The following DISC1 variants were observed in gnomAD, a reference collection of about 807,000 sequenced individuals.
The protein encoded by DISC1 is DISC1 scaffold protein.
In DISC1, 57 loss-of-function variants were observed where a neutral mutation model predicts 84.5. That is an observed-to-expected ratio of 0.67 (90% CI 0.55 to 0.84). The LOEUF (loss-of-function observed/expected upper bound fraction) is 0.84. Among genes scored for constraint, DISC1 ranks in the 40% least tolerant of loss-of-function variants. DISC1 has a pLI of 0.00. For synonymous variants in DISC1, 411 were observed against 415.2 expected (o/e 0.99, Z 0.12); for missense variants, 1,000 against 1,057.8 (o/e 0.95, Z 0.76).
At chr1:231,821,312 A>C (rs2081477213) in intron 9 of DISC1, among the ~76,000 whole-genome samples, 1 of 152,142 alleles carries the variant, frequency 6.6e-6, no homozygotes, top group South Asian at 2.1e-4. Context: ...AAGGTGCTTG[A>C]GTTGTCTGAG....
In DISC1 at chr1:231,783,545, G is replaced by T. The variant is rs74144133; in HGVS notation, c.1635-11697G>T. Reference sequence around the variant, plus strand: ...TAAGATTGTTTGAGGCAATGAGAAAGATCTGGTTGAATTAATACTTGGAGT... The same window carrying T: ...TAAGATTGTTTGAGGCAATGAGAAATATCTGGTTGAATTAATACTTGGAGT... On this transcript the variant is annotated intron_variant, in intron 6 of 12. Coordinates refer to ENST00000439617, the MANE Select transcript of DISC1 (RefSeq NM_018662.3). 6.6e-3 allele frequency among the ~76,000 whole-genome samples: 1,000 copies of T among 152,312 alleles called. 7 individuals are homozygous for T. Among genetic ancestry groups the T allele is most frequent in the African/African-American group, 0.023 (949 of 41,568 alleles).
chr1:231,969,199 T>TG lies in DISC1; in HGVS notation c.2042+10311_2042+10312insG, dbSNP rs1421351764. Among the ~76,000 whole-genome samples the TG allele has an allele frequency of 6.7e-3, 1,000 of 148,872 alleles. 14 individuals are homozygous for TG. Among genetic ancestry groups the TG allele is most frequent in the African/African-American group, 0.024 (965 of 40,332 alleles). ...AAACACTCAGCGGTTTTTTTTTTTTTTTTTTTTTTTTTGCTGTCTGCCCTT... is the reference window on the plus strand; with the variant it reads ...AAACACTCAGCGGTTTTTTTTTTTTTGTTTTTTTTTTTTGCTGTCTGCCCTT... On this transcript the variant is annotated intron_variant, in intron 10 of 12. Coordinates refer to ENST00000439617, the MANE Select transcript of DISC1 (RefSeq NM_018662.3).
intron 10 of DISC1, among the ~76,000 whole-genome samples, chr1:231,978,971 G>C (rs780767485): frequency 6.6e-6 from 1 of 152,164 alleles, no homozygotes. Context: ...AGTAAGCGAA[G>C]CTTTTTCTGT....
At chr1:231,950,516 G>A (rs1281769513) in intron 9 of DISC1, among the ~76,000 whole-genome samples, 1 of 152,208 alleles carries the variant, frequency 6.6e-6, no homozygotes, top group Non-Finnish European at 1.5e-5. Flanking sequence ...AAAGGCACGT[G>A]AGTGGGAGGC....
intron 9 of DISC1, among the ~76,000 whole-genome samples, chr1:231,879,910 C>T (rs1469881820): frequency 6.6e-6 from 1 of 152,182 alleles, no homozygotes; most frequent in Non-Finnish European, 1.5e-5. Context: ...GAGGTCTGGA[C>T]TCAGAGTGAA....
At chr1:231,769,593 A>G (rs2076405715) in intron 5 of DISC1, among the ~76,000 whole-genome samples, 2 of 152,244 alleles carry the variant, frequency 1.3e-5, no homozygotes, top group African/African-American at 4.8e-5. Context: ...GGTGATTCCC[A>G]GGGACTTGGA....
At chr1:231,933,312 T>TA (rs2090783835) in intron 9 of DISC1, among the ~76,000 whole-genome samples, 1 of 152,224 alleles carries the variant, frequency 6.6e-6, no homozygotes, top group South Asian at 2.1e-4. Flanking sequence ...TTTAACCACC[T>TA]ACACTGACAG....
intron 3 of DISC1, among the ~76,000 whole-genome samples, chr1:231,740,095 C>A (rs1430850625): frequency 2.0e-5 from 3 of 152,190 alleles, no homozygotes; most frequent in African/African-American, 7.2e-5. Context: ...TGAAACGTGG[C>A]AGCTCTCACC....
chr1:231,887,334 C>G (rs570060710), intron 9 of DISC1, among the ~76,000 whole-genome samples: 1 of 152,180 alleles, frequency 6.6e-6, no homozygotes, highest in Non-Finnish European at 1.5e-5. Context: ...TATCCTAGTG[C>G]CTTGACTTCT....
chr1:231,733,924 G>A lies in DISC1; in HGVS notation c.1118-16002G>A, dbSNP rs191283779. Among the ~76,000 whole-genome samples the A allele has an allele frequency of 1.7e-4, 25 of 150,808 alleles. 2 individuals carry two copies. The East Asian group carries it at 4.9e-3, about 30-fold the overall frequency. ...GTAGAAGTGGTGGTGTTGGTGGTAG[G>A]AGTATTGGTGGTGGTGATGGCTGAA... is the stretch of plus-strand genomic sequence containing the variant. On this transcript the variant is annotated intron_variant, in intron 3 of 12. Coordinates refer to ENST00000439617, the MANE Select transcript of DISC1 (RefSeq NM_018662.3).
intron 2 of DISC1, among the ~76,000 whole-genome samples, chr1:231,695,131 G>A (rs2065478729): frequency 6.6e-6 from 1 of 152,194 alleles, no homozygotes. Flanking sequence ...CTGGGGGCAG[G>A]GGAGATTGAG....
At chr1:231,793,746 A>G (rs967679294) in intron 6 of DISC1, among the ~76,000 whole-genome samples, 3 of 152,206 alleles carry the variant, frequency 2.0e-5, no homozygotes, top group Admixed American at 6.5e-5. Flanking sequence ...TGCTTGAGGG[A>G]TAAAACTCAA....
At chr1:231,717,080 T>C (rs1195371574) in intron 3 of DISC1, among the ~76,000 whole-genome samples, 1 of 152,212 alleles carries the variant, frequency 6.6e-6, no homozygotes, top group Non-Finnish European at 1.5e-5. Flanking sequence ...TCTCATCCTG[T>C]TGCTTGGCCC....
chr1:231,806,129 C>T (rs2079687006), intron 8 of DISC1, among the ~76,000 whole-genome samples: 1 of 152,176 alleles, frequency 6.6e-6, no homozygotes, highest in South Asian at 2.1e-4. Flanking sequence ...TATATTAATA[C>T]ATGAGATAAT....
At chr1:232,006,799 T>A (rs1056870603) in intron 10 of DISC1, among the ~76,000 whole-genome samples, 8 of 152,156 alleles carry the variant, frequency 5.3e-5, no homozygotes, top group Non-Finnish European at 1.2e-4. Flanking sequence ...AGAAAATGTC[T>A]CTAGGGCATG....
chr1:232,023,771 A>C (rs1386014840), intron 11 of DISC1, among the ~76,000 whole-genome samples: 1 of 152,062 alleles, frequency 6.6e-6, no homozygotes, highest in African/African-American at 2.4e-5. Flanking sequence ...TTCTGAGTCT[A>C]TGCTTTTTCT....
chr1:231,680,420 A>G lies in DISC1; in HGVS notation c.68-13406A>G, dbSNP rs547956596. 2.6e-5 allele frequency among the ~76,000 whole-genome samples: 4 copies of G among 151,974 alleles called. No individual in the cohort carries two copies. In the South Asian group the frequency reaches 8.3e-4, roughly 32 times the overall value. On this transcript the variant is annotated intron_variant, in intron 1 of 12. Coordinates refer to ENST00000439617, the MANE Select transcript of DISC1 (RefSeq NM_018662.3). ...TCATGCTCAGCACCTGCCCCCGTGC[A>G]TATAGCAGCAGGTTGTTGTAACATC...
chr1:231,754,391 G>A (rs1295213690), intron 4 of DISC1, among the ~76,000 whole-genome samples: 1 of 152,198 alleles, frequency 6.6e-6, no homozygotes, highest in Non-Finnish European at 1.5e-5. Flanking sequence ...CATGGCAGAA[G>A]GTGAAGGGGG....
chr1:231,839,267 A>C (rs1387293665), intron 9 of DISC1, among the ~76,000 whole-genome samples: 2 of 152,184 alleles, frequency 1.3e-5, no homozygotes, highest in East Asian at 1.9e-4. Flanking sequence ...ACTTTGGGAA[A>C]GTTTGCTAAT....
Sources: allele counts gnomAD v4.1 joint callset (sites outside exome capture counted in the v4.1 genomes callset), GRCh38; gene constraint gnomAD v4.1.1; transcripts MANE v1.5; gene names NCBI Gene and HGNC (gene_info 2026-07-23, HGNC 2026-07-21).